LMBR1: variants seen among roughly 807,000 people sequenced by gnomAD.
LMBR1 encodes limb development membrane protein 1.
In LMBR1, 52 loss-of-function variants were observed where a neutral mutation model predicts 73.9. The observed-to-expected ratio is 0.70, with a 90% confidence interval of 0.56 to 0.89. The LOEUF is 0.89. Among genes scored for constraint, LMBR1 ranks in the 40% least tolerant of loss-of-function variants. The pLI, the probability that LMBR1 is intolerant of heterozygous loss-of-function variation, is 0.00. For synonymous variants in LMBR1, 215 were observed against 209.4 expected (o/e 1.03, Z -0.23); for missense variants, 539 against 579.8 (o/e 0.93, Z 0.72).
At chr7:156,835,727 A>G (rs2133912409) in intron 2 of LMBR1, among the ~76,000 whole-genome samples, 1 of 151,540 alleles carries the variant, frequency 6.6e-6, no homozygotes, top group Non-Finnish European at 1.5e-5. Flanking sequence ...CAAGTCTTAG[A>G]GAATGTGTTA....
chr7:156,824,847 TAAAA>T (rs756011629), intron 4 of LMBR1, among the ~76,000 whole-genome samples: 1 of 89,542 alleles, frequency 1.1e-5, no homozygotes. Flanking sequence ...CCTGTCTCAA[TAAAA>T]AAAAAAAAAA....
chr7:156,811,394 G>A (rs908412404), intron 4 of LMBR1, among the ~76,000 whole-genome samples: 3 of 151,598 alleles, frequency 2.0e-5, no homozygotes, highest in Admixed American at 6.6e-5. Flanking sequence ...GGTGGATCAC[G>A]AGGTCAAGAG....
At chr7:156,693,947 C>T (rs1807754570) in intron 15 of LMBR1, among the ~76,000 whole-genome samples, 3 of 152,154 alleles carry the variant, frequency 2.0e-5, no homozygotes, top group South Asian at 4.1e-4. Context: ...ATCGTACGCC[C>T]TAGCCAAATG....
At chr7:156,880,620 T>C (rs993605531) in intron 1 of LMBR1, among the ~76,000 whole-genome samples, 1 of 152,080 alleles carries the variant, frequency 6.6e-6, no homozygotes, top group African/African-American at 2.4e-5. Flanking sequence ...CCCAAGCAAT[T>C]TACAGACTCA....
At chr7:156,820,832 G>A (rs1452045208) in intron 4 of LMBR1, among the ~76,000 whole-genome samples, 2 of 152,214 alleles carry the variant, frequency 1.3e-5, no homozygotes, top group Non-Finnish European at 2.9e-5. Context: ...CTCTGTGCAG[G>A]CTGCTCTGCC....
At chr7:156,809,336 G>C (rs752331622) in intron 4 of LMBR1, among the ~76,000 whole-genome samples, 1 of 152,090 alleles carries the variant, frequency 6.6e-6, no homozygotes, top group African/African-American at 2.4e-5. Flanking sequence ...TAGACTGGCT[G>C]GGATTTTTCT....
chr7:156,853,274 T>A (rs560202421), intron 1 of LMBR1, among the ~76,000 whole-genome samples: 1 of 152,210 alleles, frequency 6.6e-6, no homozygotes, highest in South Asian at 2.1e-4. Context: ...GTTGCCACAG[T>A]AGAAAATGTT....
intron 5 of LMBR1, among the ~76,000 whole-genome samples, chr7:156,767,688 T>C (rs918294864): frequency 6.6e-6 from 1 of 151,742 alleles, no homozygotes; most frequent in Admixed American, 6.6e-5. Context: ...AAAAATGTAA[T>C]AGTTAATATA....
At chr7:156,877,320 C>A (rs1375280008) in intron 1 of LMBR1, among the ~76,000 whole-genome samples, 1 of 151,570 alleles carries the variant, frequency 6.6e-6, no homozygotes, top group Non-Finnish European at 1.5e-5. Context: ...TGAATTCTAC[C>A]AGACAAAGAA....
intron 3 of LMBR1, among the ~76,000 whole-genome samples, chr7:156,829,226 G>C (rs896406632): frequency 5.3e-5 from 8 of 152,218 alleles, no homozygotes; most frequent in African/African-American, 1.9e-4. Flanking sequence ...GCTTTACTAA[G>C]AATTCTTTGT....
At chr7:156,856,459 G>C (rs531012889) in intron 1 of LMBR1, among the ~76,000 whole-genome samples, 1 of 152,192 alleles carries the variant, frequency 6.6e-6, no homozygotes, top group East Asian at 1.9e-4. Flanking sequence ...CTGGGCTCAT[G>C]GCTGTAATCC....
At chr7:156,799,059 G>A (rs1830506104) in intron 4 of LMBR1, among the ~76,000 whole-genome samples, 1 of 151,640 alleles carries the variant, frequency 6.6e-6, no homozygotes, top group South Asian at 2.1e-4. Flanking sequence ...AAAATTAGCT[G>A]GGCATGGTGG....
Position 156,870,935 on chromosome 7 carries a change from T to C in LMBR1, c.66+21993A>G, listed in dbSNP as rs1799193851. On this transcript the variant is annotated intron_variant, in intron 1 of 16. Transcript: ENST00000353442. ...AGGAACTAGAAAACTAAGCCCAAAGTTGCCAGAAGGAAGAAGTAACAAAGA... is the reference window on the plus strand; with the variant it reads ...AGGAACTAGAAAACTAAGCCCAAAGCTGCCAGAAGGAAGAAGTAACAAAGA... Among the ~76,000 whole-genome samples, 3 of 151,788 alleles carry C rather than the reference T, an allele frequency of 2.0e-5. No homozygotes were observed. In the South Asian group the frequency reaches 6.2e-4, roughly 32 times the overall value.
intron 5 of LMBR1, among the ~76,000 whole-genome samples, chr7:156,789,573 G>A (rs1178520890): frequency 1.3e-5 from 2 of 152,048 alleles, no homozygotes; most frequent in Non-Finnish European, 2.9e-5. Context: ...ATTGACAAAC[G>A]TTTCATAGAT....
intron 1 of LMBR1, among the ~76,000 whole-genome samples, chr7:156,878,682 T>C (rs1315165541): frequency 1.3e-5 from 2 of 152,196 alleles, no homozygotes; most frequent in African/African-American, 4.8e-5. Flanking sequence ...ACCATCATTC[T>C]TCACAGAACT....
At chr7:156,834,484 T>G (rs1255257830) in intron 2 of LMBR1, 1 of 276,798 alleles carries the variant, frequency 3.6e-6, no homozygotes, top group African/African-American at 2.3e-5. Flanking sequence ...ATGCCTGTAG[T>G]GCAGGATACT....
intron 1 of LMBR1, among the ~76,000 whole-genome samples, chr7:156,851,030 A>G (rs994646959): frequency 6.6e-6 from 1 of 151,880 alleles, no homozygotes; most frequent in Non-Finnish European, 1.5e-5. Flanking sequence ...CTCTCGCCAT[A>G]TGACACCCGC....
At position 156,669,188 on chromosome 7, in the gene LMBR1, G is replaced by C. The variant is rs1801889817; in HGVS notation, n.966C>G. ...CCCCTCTGGGCAGACACAGGTGCAA[G>C]GGCCCAGGTGTGAGCACCCAGCCGG... On this transcript the variant is annotated non_coding_transcript_exon_variant, in exon 5 of 5. Transcript: ENST00000430825. This position sits in a 1 kb window ranked among gnomAD's most constrained non-coding sequence, Gnocchi z 4.2. The C allele has an allele frequency of 6.6e-6, 1 of 152,250 alleles. No individual in the cohort carries two copies. Among genetic ancestry groups the C allele is most frequent in the Non-Finnish European group, 1.5e-5 (1 of 68,070 alleles). 9.4% of individuals were successfully genotyped at this position (152,250 alleles called of 1,614,324 possible).
rs536845972 is a variant in LMBR1, at chr7:156,833,485, T to C, written c.179+268A>G. 7.3e-6 allele frequency: 3 copies of C among 409,226 alleles called. No individual in the cohort carries two copies. The South Asian group carries it at 8.5e-5, about 12-fold the overall frequency. 25.3% of individuals were successfully genotyped at this position (409,226 alleles called of 1,614,324 possible). On this transcript the variant is annotated intron_variant, in intron 3 of 16. Coordinates refer to ENST00000353442, the MANE Select transcript of LMBR1 (RefSeq NM_022458.4). ...TTCAAACAGCCAAGAGTCTTCTTTC[T>C]TATGACCAAGCAATTAAATTAAGGC...
Sources: gnomAD v4.1 joint callset for allele counts (sites outside exome capture counted in the v4.1 genomes callset) on GRCh38, gnomAD v4.1.1 for gene constraint, Gnocchi (gnomAD v3.1) non-coding constraint, MANE v1.5 for transcripts, NCBI Gene and HGNC (gene_info 2026-07-23, HGNC 2026-07-21) for gene names.